DPP6: variants seen among roughly 807,000 people sequenced by gnomAD.
DPP6 encodes the protein A-type potassium channel modulatory protein DPP6.
A neutral mutation model predicts 122.6 loss-of-function variants in DPP6; 69 were observed. The observed-to-expected ratio is 0.56, with a 90% CI of 0.46 to 0.69. The LOEUF (loss-of-function observed/expected upper bound fraction) is 0.69. Ranked by LOEUF, DPP6 falls within the 30% of genes least tolerant of loss-of-function variation. The pLI is 0.00. For synonymous variants in DPP6, 418 were observed against 433.1 expected, an observed-to-expected ratio of 0.97 and a Z score of 0.43; for missense variants, 928 against 1,116.9, an observed-to-expected ratio of 0.83 and a Z score of 2.41.
intron 5 of DPP6, among the ~76,000 whole-genome samples, chr7:154,608,011 G>A (rs1378817365): frequency 1.4e-5 from 1 of 71,334 alleles, no homozygotes; most frequent in Non-Finnish European, 3.4e-5. Context: ...ACAGAGTCTC[G>A]CTCTGTCACC....
chr7:153,817,813 GC>G, the DPP6 span, among the ~76,000 whole-genome samples: 14 of 151,216 alleles, frequency 9.3e-5, no homozygotes, highest in South Asian at 4.2e-4. Flanking sequence ...TATACCTAAT[GC>G]TAAATGACAA....
At chr7:154,209,537 T>C (rs1341773695) in intron 1 of DPP6, among the ~76,000 whole-genome samples, 1 of 98,410 alleles carries the variant, frequency 1.0e-5, no homozygotes, top group Admixed American at 1.2e-4. Context: ...GTGAACAAGT[T>C]GAAGTTAAAA....
At position 154,668,220 on chromosome 7, in the gene DPP6, A is replaced by ATATATATATATAT. The variant is rs59348250; in HGVS notation, c.681-1136_681-1135insTATATATATTATA. On this transcript the variant is annotated intron_variant, in intron 6 of 25. Coordinates refer to ENST00000377770, the MANE Select transcript of DPP6 (RefSeq NM_130797.4). ...TTTTATATATATATATATATATATAATATACACATTTTTTTTTCAAGACAG... is the reference window on the plus strand; with the variant it reads ...TTTTATATATATATATATATATATAATATATATATATATTATACACATTTTTTTTTCAAGACAG... Among the ~76,000 whole-genome samples, 51 of 24,978 alleles carry ATATATATATATAT rather than the reference A, an allele frequency of 2.0e-3. 2 individuals are homozygous for ATATATATATATAT. Among genetic ancestry groups the ATATATATATATAT allele is most frequent in the African/African-American group, 3.1e-3 (39 of 12,630 alleles). 16.4% of individuals were successfully genotyped at this position (24,978 alleles called of 152,430 possible).
At chr7:153,819,793 T>G in the DPP6 span, among the ~76,000 whole-genome samples, 1 of 152,256 alleles carries the variant, frequency 6.6e-6, no homozygotes, top group South Asian at 2.1e-4. Context: ...ATTTTATCTC[T>G]ATTTAAAAAA....
chr7:154,099,090 G>T (rs2533592), intron 1 of DPP6, among the ~76,000 whole-genome samples: 4 of 150,948 alleles, frequency 2.6e-5, no homozygotes, highest in Middle Eastern at 3.4e-3. Flanking sequence ...AGTAAAAATG[G>T]AAATTCAGTG....
chr7:154,408,489 GA>G (rs146484235), intron 1 of DPP6, among the ~76,000 whole-genome samples: 408 of 152,144 alleles, frequency 2.7e-3, no homozygotes, highest in African/African-American at 9.3e-3. Context: ...TAGATTTACA[GA>G]AAAGTTTCAA....
At chr7:154,230,357 T>A (rs1242515650) in intron 1 of DPP6, among the ~76,000 whole-genome samples, 1 of 152,254 alleles carries the variant, frequency 6.6e-6, no homozygotes, top group Non-Finnish European at 1.5e-5. Flanking sequence ...AGACCTTGAT[T>A]AGATGCAGAG....
chr7:153,842,368 A>G, the DPP6 span, among the ~76,000 whole-genome samples: 4 of 152,198 alleles, frequency 2.6e-5, no homozygotes, highest in African/African-American at 7.2e-5. Flanking sequence ...AATAATCAAT[A>G]ATTAATATAT....
intron 1 of DPP6, among the ~76,000 whole-genome samples, chr7:154,167,031 A>G (rs146707164): frequency 0.011 from 1,695 of 149,570 alleles, 35 homozygotes; most frequent in African/African-American, 0.041. Context: ...TGTGGGGCTC[A>G]TGTGCTGAGT....
chr7:154,627,189 C>CTTTT (rs61163075), intron 5 of DPP6, among the ~76,000 whole-genome samples: 1,608 of 103,340 alleles, frequency 0.016, 47 homozygotes, highest in African/African-American at 0.033. Flanking sequence ...ATTTTTTTTC[C>CTTTT]TTTTTTTTTT....
chr7:154,121,300 C>T (rs200428518), intron 1 of DPP6, among the ~76,000 whole-genome samples: 4 of 152,084 alleles, frequency 2.6e-5, no homozygotes, highest in East Asian at 1.9e-4. Flanking sequence ...GTTTCCTTCC[C>T]TCTGCTTGCT....
chr7:154,245,075 C>T (rs1392374291), intron 1 of DPP6, among the ~76,000 whole-genome samples: 3 of 151,476 alleles, frequency 2.0e-5, no homozygotes, highest in African/African-American at 4.8e-5. Context: ...CTCAGCCTCC[C>T]GAGTAGCTGG....
At chr7:154,055,751 T>G (rs985909095) in intron 1 of DPP6, 16 of 152,226 alleles carry the variant, frequency 1.1e-4, no homozygotes, top group African/African-American at 3.9e-4. Flanking sequence ...GAAATCTCCA[T>G]CACTCTTGCC....
chr7:153,924,139 C>T (rs928046069), intron 1 of DPP6, among the ~76,000 whole-genome samples: 3 of 150,550 alleles, frequency 2.0e-5, no homozygotes, highest in Admixed American at 1.3e-4. Flanking sequence ...TTTTTCGAGA[C>T]GGAGTCTTGC....
chr7:154,144,908 C>T (rs1018435617), intron 1 of DPP6, among the ~76,000 whole-genome samples: 3 of 151,132 alleles, frequency 2.0e-5, no homozygotes, highest in African/African-American at 7.3e-5. Context: ...CCTTGGATTT[C>T]CAGGCCCCAG....
chr7:154,304,527 C>G (rs535309221), intron 1 of DPP6, among the ~76,000 whole-genome samples: 2 of 152,158 alleles, frequency 1.3e-5, no homozygotes, highest in South Asian at 4.2e-4. Context: ...CAGTGGGGAG[C>G]CCTCATGTTT....
At chr7:153,990,478 T>A (rs920444039) in intron 1 of DPP6, among the ~76,000 whole-genome samples, 1 of 146,086 alleles carries the variant, frequency 6.8e-6, no homozygotes, top group Non-Finnish European at 1.5e-5. Context: ...GTTAATAAAA[T>A]GAGAGGCATT....
intron 1 of DPP6, among the ~76,000 whole-genome samples, chr7:154,105,771 T>C (rs1252133891): frequency 1.3e-5 from 2 of 152,148 alleles, no homozygotes; most frequent in Non-Finnish European, 2.9e-5. Flanking sequence ...TACTTCTCCT[T>C]TGCCTTCTGC....
At position 154,509,824 on chromosome 7, in the gene DPP6, A is replaced by G. The variant is rs192185668; in HGVS notation, c.458-30708A>G. On this transcript the variant is annotated intron_variant, in intron 3 of 25. Coordinates refer to ENST00000377770, the MANE Select transcript of DPP6 (RefSeq NM_130797.4). ...ACTGATTAAGTTTGAAAACTGTAAG[A>G]CAGTCACAAATGACTACAATATACA... Among the ~76,000 whole-genome samples, 336 of 152,294 alleles carry G rather than the reference A, an allele frequency of 2.2e-3. 8 individuals carry two copies. The highest frequency in any genetic ancestry group is 0.01 in the Middle Eastern group (3 of 294).
Sources: gnomAD v4.1 joint callset for allele counts (sites outside exome capture counted in the v4.1 genomes callset) on GRCh38, gnomAD v4.1.1 for gene constraint, MANE v1.5 for transcripts, NCBI Gene and HGNC (gene_info 2026-07-23, HGNC 2026-07-21) for gene names.